The following BZW2 variants were observed in gnomAD, a reference collection of about 807,000 sequenced individuals.
The protein encoded by BZW2 is eIF5-mimic protein 1.
BZW2 carries 23 observed loss-of-function variants against 53.2 expected under a neutral mutation model. That is an observed-to-expected ratio of 0.43 (90% confidence interval 0.31 to 0.61). The LOEUF (loss-of-function observed/expected upper bound fraction) is 0.61. BZW2 is among the 20% of genes least tolerant of loss of function. The pLI is 0.09. For synonymous variants in BZW2, 227 were observed against 186.4 expected (o/e 1.22, Z -1.77); for missense variants, 409 against 503.1 (o/e 0.81, Z 1.79).
chr7:16,659,635 T>TA (rs2128352053), intron 1 of BZW2, among the ~76,000 whole-genome samples: 1 of 152,226 alleles, frequency 6.6e-6, no homozygotes, highest in Non-Finnish European at 1.5e-5. Context: ...GGGTAATTTT[T>TA]AAAGTTTATT....
chr7:16,697,369 C>A (rs550190786), intron 9 of BZW2, among the ~76,000 whole-genome samples: 179 of 152,330 alleles, frequency 1.2e-3, no homozygotes, highest in Non-Finnish European at 2.2e-3. Flanking sequence ...GGATTGCAGG[C>A]ATGAGCCACC....
At chr7:16,667,188 A>T (rs2693088) in intron 2 of BZW2, among the ~76,000 whole-genome samples, 3,621 of 152,030 alleles carry the variant, frequency 0.024, 61 homozygotes, top group African/African-American at 0.049. Context: ...AGGCTGAGGC[A>T]AGGAGAATCG....
chr7:16,694,970 A>G lies in BZW2; in HGVS notation c.788A>G (p.Gln263Arg). Residue 263 changes from glutamine to arginine, a missense_variant, in exon 8 of 12, where the codon CAG becomes CGG. Transcript: ENST00000258761. ...GTRKELQKEL[Q>R]ERLSQECPIK... The stretch of plus-strand genomic sequence containing the variant: ...AGGAAGGAACTGCAGAAGGAGCTCC[A>G]GGAGCGTCTTTCTCAGGAATGCCCG... 1 of 1,591,392 alleles carries G rather than the reference A, an allele frequency of 6.3e-7. No individual in the cohort carries two copies. Among genetic ancestry groups the G allele is most frequent in the Non-Finnish European group, 8.6e-7 (1 of 1,162,286 alleles).
intron 3 of BZW2, among the ~76,000 whole-genome samples, chr7:16,679,171 A>G (rs546160506): frequency 2.6e-5 from 4 of 152,198 alleles, no homozygotes; most frequent in Admixed American, 6.5e-5. Context: ...GGTGTATTTC[A>G]TCCCTTATCT....
chr7:16,660,716 A>G (rs1465218304), intron 1 of BZW2, among the ~76,000 whole-genome samples: 2 of 152,154 alleles, frequency 1.3e-5, no homozygotes, highest in African/African-American at 4.8e-5. Flanking sequence ...TTAAACATTT[A>G]TTTGTCTAGT....
At chr7:16,701,450 A>T (rs1783664194) in intron 10 of BZW2, among the ~76,000 whole-genome samples, 1 of 152,180 alleles carries the variant, frequency 6.6e-6, no homozygotes, top group African/African-American at 2.4e-5. Context: ...GTTCTAAAAA[A>T]GGGTGAGTGC....
At chr7:16,670,929 A>G (rs531057529) in intron 2 of BZW2, among the ~76,000 whole-genome samples, 67 of 152,268 alleles carry the variant, frequency 4.4e-4, no homozygotes, top group African/African-American at 1.5e-3. Flanking sequence ...TCTGACTGGT[A>G]CTGGGAATGC....
At chr7:16,695,758 A>G (rs1386854975) in intron 8 of BZW2, 1 of 152,096 alleles carries the variant, frequency 6.6e-6, no homozygotes. Flanking sequence ...ACCTCCTTCC[A>G]TGCTCCAAGC....
intron 3 of BZW2, among the ~76,000 whole-genome samples, chr7:16,680,542 C>T (rs1008686060): frequency 6.6e-5 from 10 of 152,252 alleles, no homozygotes; most frequent in East Asian, 5.8e-4. Flanking sequence ...CAGTGGCTTA[C>T]GTCTGTAATC....
Position 16,656,553 on chromosome 7 carries a change from G to GCACA in BZW2, c.-7-8883_-7-8882insACAC, listed in dbSNP as rs1301100071. ...TCATCAAGCACTCCCCAGCGCGCGC[G>GCACA]CGCACACACACACACACACACACAC... is the stretch of plus-strand genomic sequence containing the variant. On this transcript the variant is annotated intron_variant, in intron 1 of 11. Coordinates refer to ENST00000258761, the MANE Select transcript of BZW2 (RefSeq NM_014038.3). Among the ~76,000 whole-genome samples the GCACA allele has an allele frequency of 2.6e-3, 307 of 119,880 alleles. 1 individual carries two copies. The highest frequency in any genetic ancestry group is 0.011 in the African/African-American group (292 of 26,544). 78.6% of individuals were successfully genotyped at this position (119,880 alleles called of 152,430 possible).
At chr7:16,697,206 C>A (rs1783526189) in intron 9 of BZW2, 145 bp downstream of exon 9, 2 of 920,676 alleles carry the variant, frequency 2.2e-6, no homozygotes, top group Non-Finnish European at 3.2e-6. Context: ...CCTCCCTCCT[C>A]AGCCTCCCAG....
At chr7:16,657,423 TTTCTC>T (rs1439665027) in intron 1 of BZW2, among the ~76,000 whole-genome samples, 1 of 152,176 alleles carries the variant, frequency 6.6e-6, no homozygotes, top group Non-Finnish European at 1.5e-5. Flanking sequence ...TATATTAAAA[TTTCTC>T]TTTTCTTTCT....
intron 2 of BZW2, among the ~76,000 whole-genome samples, chr7:16,671,547 A>T (rs1782599954): frequency 6.6e-6 from 1 of 152,052 alleles, no homozygotes; most frequent in Non-Finnish European, 1.5e-5. Context: ...CTTGCCTGGG[A>T]TCTCATGACT....
Position 16,696,933 on chromosome 7 carries a change from G to C in BZW2, c.841G>C (p.Glu281Gln). 1 of 1,614,074 alleles carries C rather than the reference G, an allele frequency of 6.2e-7. No homozygotes were observed. The highest frequency in any genetic ancestry group is 8.5e-7 in the Non-Finnish European group (1 of 1,179,960). The change falls in exon 9 of 12, where the codon GAA becomes CAA. Residue 281 changes from glutamate (E) to glutamine (Q), a missense_variant. Physicochemically the swap from Glu to Gln is conservative, Grantham distance 29 (BLOSUM62 2). This residue lies in a region of BZW2 where 316 missense variants were observed against 366.8 expected (regional missense o/e 0.86). Transcript: ENST00000258761. ...PIKEVVLYVK[E>Q]EMKRNDLPET... ...AATGTAGGTGGTGCTTTATGTCAAAGAAGAAATGAAGAGGAATGATCTTCC... is the reference window on the plus strand; with the variant it reads ...AATGTAGGTGGTGCTTTATGTCAAACAAGAAATGAAGAGGAATGATCTTCC...
At chr7:16,699,310 A>G (rs183946521) in intron 10 of BZW2, among the ~76,000 whole-genome samples, 38 of 152,306 alleles carry the variant, frequency 2.5e-4, no homozygotes, top group Admixed American at 1.9e-3. Context: ...TCCTAAAACT[A>G]GGCCCCACCC....
At chr7:16,685,511 T>C (rs1046842159) in intron 5 of BZW2, among the ~76,000 whole-genome samples, 7 of 151,590 alleles carry the variant, frequency 4.6e-5, no homozygotes, top group Non-Finnish European at 1.0e-4. Flanking sequence ...GGGGAAGAGG[T>C]AGTCGCCCAA....
intron 2 of BZW2, among the ~76,000 whole-genome samples, chr7:16,666,755 A>G (rs940537740): frequency 3.3e-5 from 5 of 151,768 alleles, no homozygotes; most frequent in Non-Finnish European, 7.4e-5. Context: ...TGCAGACTCA[A>G]CCTCCTGGGC....
At chr7:16,690,366 T>C (rs1783262983) in intron 7 of BZW2, among the ~76,000 whole-genome samples, 1 of 152,026 alleles carries the variant, frequency 6.6e-6, no homozygotes, top group Admixed American at 6.6e-5. Context: ...CACACCCAGC[T>C]AATTTTTGGA....
chr7:16,649,879 T>G (rs1562472838), intron 1 of BZW2, among the ~76,000 whole-genome samples: 1 of 152,186 alleles, frequency 6.6e-6, no homozygotes, highest in Non-Finnish European at 1.5e-5. Context: ...ATTGACTATG[T>G]TAACAGTTGA....
Sources: allele counts gnomAD v4.1 joint callset (sites outside exome capture counted in the v4.1 genomes callset), GRCh38; gene constraint gnomAD v4.1.1; regional missense constraint gnomAD v4.1.1; transcripts MANE v1.5; gene names NCBI Gene and HGNC (gene_info 2026-07-23, HGNC 2026-07-21).